The following SOX5 variants were observed in gnomAD, a reference collection of about 807,000 sequenced individuals.
SOX5 encodes transcription factor SOX-5.
Under a neutral mutation model 92.0 loss-of-function variants are expected in SOX5, and 9 were observed. That is an observed-to-expected ratio of 0.10 (90% CI 0.06 to 0.17). The LOEUF (loss-of-function observed/expected upper bound fraction) is 0.17. Ranked by LOEUF, SOX5 falls within the 10% of genes least tolerant of loss-of-function variation. The pLI is 1.00. For missense variants in SOX5, 642 were observed against 944.5 expected, an observed-to-expected ratio of 0.68 and a Z score of 4.20; for synonymous variants, 344 against 336.3, an observed-to-expected ratio of 1.02 and a Z score of -0.25.
At chr12:24,530,216 C>T (rs1951068442) in intron 1 of SOX5, among the ~76,000 whole-genome samples, 1 of 152,138 alleles carries the variant, frequency 6.6e-6, no homozygotes, top group South Asian at 2.1e-4. Context: ...AATGCATTCA[C>T]ATAATTAACT....
chr12:24,030,874 T>C lies in SOX5; in HGVS notation c.-1-134850A>G, dbSNP rs543921137. On this transcript the variant is annotated intron_variant, in intron 4 of 4. Coordinates refer to the SOX5 transcript ENST00000446891. The stretch of plus-strand genomic sequence containing the variant: ...AAGACAAATCATCAAGTTTAAAAAA[T>C]AGGCAAAGAACCTGAATAAACATTT... 5.3e-5 allele frequency among the ~76,000 whole-genome samples: 8 copies of C among 151,898 alleles called. No homozygotes were observed. In the South Asian group the frequency reaches 1.7e-3, roughly 31 times the overall value.
At chr12:24,323,157 T>C (rs1950362695) in intron 2 of SOX5, among the ~76,000 whole-genome samples, 1 of 152,040 alleles carries the variant, frequency 6.6e-6, no homozygotes, top group South Asian at 2.1e-4. Context: ...TAATCTGTTC[T>C]AGTTAAGCCT....
At chr12:24,460,401 C>G (rs1943491636) in intron 1 of SOX5, among the ~76,000 whole-genome samples, 2 of 152,166 alleles carry the variant, frequency 1.3e-5, no homozygotes, top group African/African-American at 2.4e-5. Flanking sequence ...AAAGCTTACA[C>G]TAGAAGTAAC....
At chr12:24,154,200 T>C (rs970227379) in intron 4 of SOX5, among the ~76,000 whole-genome samples, 1 of 152,144 alleles carries the variant, frequency 6.6e-6, no homozygotes, top group African/African-American at 2.4e-5. Context: ...AAAATATGCA[T>C]GTAGCCTTTT....
At chr12:23,592,032 T>A (rs1316037522) in intron 9 of SOX5, among the ~76,000 whole-genome samples, 1 of 151,880 alleles carries the variant, frequency 6.6e-6, no homozygotes, top group Non-Finnish European at 1.5e-5. Context: ...TAAAAAAAAA[T>A]AAGATTCCTT....
intron 2 of SOX5, among the ~76,000 whole-genome samples, chr12:24,319,988 A>G (rs927252712): frequency 6.6e-6 from 1 of 152,162 alleles, no homozygotes; most frequent in African/African-American, 2.4e-5. Context: ...CACTCATGTC[A>G]TGGTTGACTG....
chr12:23,686,017 AT>A (rs1436822305), intron 6 of SOX5, among the ~76,000 whole-genome samples: 5 of 152,154 alleles, frequency 3.3e-5, no homozygotes, highest in African/African-American at 1.2e-4. Flanking sequence ...CACAGAATTA[AT>A]TTCCCTTTAA....
chr12:23,935,675 T>C (rs1942386073), intron 1 of SOX5, among the ~76,000 whole-genome samples: 1 of 151,180 alleles, frequency 6.6e-6, no homozygotes, highest in Non-Finnish European at 1.5e-5. Context: ...CCTTGTGCAA[T>C]GAATGAGTTA....
intron 6 of SOX5, among the ~76,000 whole-genome samples, chr12:23,725,079 C>G (rs1412343501): frequency 6.6e-6 from 1 of 152,080 alleles, no homozygotes; most frequent in East Asian, 1.9e-4. Flanking sequence ...AGGATGTCTC[C>G]TAGGTATTCG....
intron 1 of SOX5, among the ~76,000 whole-genome samples, chr12:24,379,780 A>G (rs1957631165): frequency 6.6e-6 from 1 of 151,608 alleles, no homozygotes; most frequent in African/African-American, 2.4e-5. Context: ...CCTTTACCCA[A>G]CAAATTCCAG....
intron 1 of SOX5, among the ~76,000 whole-genome samples, chr12:24,546,273 A>G (rs1409028045): frequency 6.6e-6 from 1 of 152,214 alleles, no homozygotes; most frequent in African/African-American, 2.4e-5. Flanking sequence ...ATGCAAAGAC[A>G]GCATTTTAAC....
At chr12:24,100,924 A>G (rs1946018498) in intron 4 of SOX5, among the ~76,000 whole-genome samples, 1 of 152,128 alleles carries the variant, frequency 6.6e-6, no homozygotes, top group African/African-American at 2.4e-5. Context: ...TTTTACCCTC[A>G]TAATAAGCAT....
At chr12:24,407,379 G>A (rs1417579922) in intron 1 of SOX5, 1 of 152,148 alleles carries the variant, frequency 6.6e-6, no homozygotes, top group African/African-American at 2.4e-5. Flanking sequence ...GCAACCTCAG[G>A]CTGCTGATAT....
intron 1 of SOX5, among the ~76,000 whole-genome samples, chr12:24,442,948 A>ATTTTTTTT (rs3983413): frequency 2.7e-5 from 3 of 109,944 alleles, no homozygotes; most frequent in Non-Finnish European, 5.3e-5. Context: ...TAAGTTTATA[A>ATTTTTTTT]TTTTTTTTTT....
intron 6 of SOX5, among the ~76,000 whole-genome samples, chr12:23,712,367 C>G (rs558032629): frequency 6.6e-6 from 1 of 152,250 alleles, no homozygotes; most frequent in Non-Finnish European, 1.5e-5. Flanking sequence ...GCAATTTGTA[C>G]AGATTTCCTC....
chr12:24,116,175 T>C (rs987763548), intron 4 of SOX5, among the ~76,000 whole-genome samples: 3 of 152,164 alleles, frequency 2.0e-5, no homozygotes, highest in Admixed American at 1.3e-4. Flanking sequence ...CTAAATTTCA[T>C]CAGTCAAAGA....
intron 3 of SOX5, among the ~76,000 whole-genome samples, chr12:23,794,505 T>A (rs981483890): frequency 2.6e-5 from 4 of 152,086 alleles, no homozygotes; most frequent in African/African-American, 7.2e-5. Context: ...TATTCTTTAT[T>A]TTTTACCTCC....
intron 2 of SOX5, among the ~76,000 whole-genome samples, chr12:24,306,283 G>A (rs892292120): frequency 3.3e-5 from 5 of 152,184 alleles, no homozygotes; most frequent in African/African-American, 1.2e-4. Flanking sequence ...TAAAGAAGAC[G>A]AGACCTGGCA....
chr12:24,546,925 T>C (rs934684320), intron 1 of SOX5, among the ~76,000 whole-genome samples: 24 of 152,160 alleles, frequency 1.6e-4, no homozygotes, highest in Non-Finnish European at 2.9e-4. Flanking sequence ...GGCTTGGACA[T>C]AGGCCATTAT....
Sources: allele counts gnomAD v4.1 joint callset (sites outside exome capture counted in the v4.1 genomes callset), GRCh38; gene constraint gnomAD v4.1.1; transcripts MANE v1.5; gene names NCBI Gene and HGNC (gene_info 2026-07-23, HGNC 2026-07-21).